The following LRRC28 variants were observed in gnomAD, a reference collection of about 807,000 sequenced individuals.
The protein encoded by LRRC28 is leucine-rich repeat-containing protein 28.
LRRC28 carries 39 observed loss-of-function variants against 45.7 expected under a neutral mutation model. That is an observed-to-expected ratio of 0.85 (90% CI 0.66 to 1.12). The LOEUF (loss-of-function observed/expected upper bound fraction) is 1.12. LRRC28 is among the 50% of genes most tolerant of loss of function. The pLI is 0.00. For synonymous variants in LRRC28, 206 were observed against 178.8 expected (o/e 1.15, Z -1.22); for missense variants, 435 against 438.5 (o/e 0.99, Z 0.07).
At chr15:99,362,380 C>G (rs1270796451) in intron 8 of LRRC28, among the ~76,000 whole-genome samples, 1 of 152,208 alleles carries the variant, frequency 6.6e-6, no homozygotes, top group Non-Finnish European at 1.5e-5. Context: ...GTATCTCCTT[C>G]CCAAAGATGA....
At chr15:99,374,426 A>G (rs953877152) in intron 9 of LRRC28, among the ~76,000 whole-genome samples, 7 of 152,086 alleles carry the variant, frequency 4.6e-5, no homozygotes, top group African/African-American at 1.7e-4. Flanking sequence ...AATGTTACTG[A>G]TTTTCATATT....
chr15:99,252,199 A>G (rs2080836665), intron 1 of LRRC28, among the ~76,000 whole-genome samples: 1 of 152,254 alleles, frequency 6.6e-6, no homozygotes, highest in African/African-American at 2.4e-5. Flanking sequence ...TACAAGAGGT[A>G]GTTTGCTTAA....
At chr15:99,288,371 CTTTTTTTTT>C (rs67593137) in intron 5 of LRRC28, among the ~76,000 whole-genome samples, 7 of 82,890 alleles carry the variant, frequency 8.4e-5, no homozygotes, top group Non-Finnish European at 1.1e-4. Context: ...TGTACATTAA[CTTTTTTTTT>C]TTTTTTTTTT....
chr15:99,382,966 A>T (rs1349969158), intron 9 of LRRC28, among the ~76,000 whole-genome samples: 2 of 152,054 alleles, frequency 1.3e-5, no homozygotes, highest in Non-Finnish European at 2.9e-5. Flanking sequence ...AGCTTTATTG[A>T]GATAATTCAC....
intron 9 of LRRC28, among the ~76,000 whole-genome samples, chr15:99,367,309 AT>A (rs1363571585): frequency 6.6e-6 from 1 of 152,198 alleles, no homozygotes; most frequent in African/African-American, 2.4e-5. Context: ...AGATTGGGTA[AT>A]TTATAAAGAA....
At chr15:99,372,138 A>C (rs1957501154) in intron 9 of LRRC28, among the ~76,000 whole-genome samples, 1 of 152,224 alleles carries the variant, frequency 6.6e-6, no homozygotes, top group Non-Finnish European at 1.5e-5. Flanking sequence ...GTACGAGTCA[A>C]ATATATGCTT....
chr15:99,309,440 G>A (rs896191229), intron 5 of LRRC28, among the ~76,000 whole-genome samples: 2 of 152,014 alleles, frequency 1.3e-5, no homozygotes, highest in South Asian at 2.1e-4. Context: ...ATGGAGTCTC[G>A]CTCTGTCGCC....
chr15:99,276,636 T>A lies in LRRC28; in HGVS notation c.209+20T>A, dbSNP rs757158414. 1.3e-6 allele frequency: 2 copies of A among 1,499,308 alleles called. No individual in the cohort carries two copies. Among genetic ancestry groups the A allele is most frequent in the African/African-American group, 2.9e-5 (2 of 69,448 alleles). The allele number at this position is 1,499,308 out of a possible 1,614,324, so 92.9% of individuals were successfully genotyped here. A position where few individuals can be genotyped will look rare whatever the true frequency, so the allele number is the denominator to read the frequency against. ...GGAACTGTGAGTCTGTTTATTCAAATTTTTTAAAGACAAGAATGAAAATAA... is the reference window on the plus strand; with the variant it reads ...GGAACTGTGAGTCTGTTTATTCAAAATTTTTAAAGACAAGAATGAAAATAA... On this transcript the variant is annotated intron_variant, in intron 3 of 9. Coordinates refer to ENST00000301981, the MANE Select transcript of LRRC28 (RefSeq NM_144598.5).
At chr15:99,311,183 A>G (rs1257885269) in intron 5 of LRRC28, among the ~76,000 whole-genome samples, 1 of 152,194 alleles carries the variant, frequency 6.6e-6, no homozygotes, top group East Asian at 1.9e-4. Context: ...GACATGGAAT[A>G]AACTATGTGT....
chr15:99,375,309 C>T (rs1957597037), intron 9 of LRRC28, among the ~76,000 whole-genome samples: 1 of 152,122 alleles, frequency 6.6e-6, no homozygotes, highest in Non-Finnish European at 1.5e-5. Context: ...CCTCACACTC[C>T]TGGAATAACT....
intron 2 of LRRC28, among the ~76,000 whole-genome samples, chr15:99,267,374 C>T (rs1297921833): frequency 2.6e-5 from 4 of 152,318 alleles, no homozygotes; most frequent in South Asian, 2.1e-4. Flanking sequence ...GAGCATCATA[C>T]AGCCAAGTGC....
intron 9 of LRRC28, among the ~76,000 whole-genome samples, chr15:99,385,744 TTG>T (rs369101422): frequency 0.014 from 2,123 of 149,690 alleles, 48 homozygotes; most frequent in East Asian, 0.069. Flanking sequence ...GAAAAGGCAT[TTG>T]TTTTTTTTTT....
At chr15:99,296,414 T>G (rs1279229190) in intron 5 of LRRC28, among the ~76,000 whole-genome samples, 1 of 152,208 alleles carries the variant, frequency 6.6e-6, no homozygotes, top group Non-Finnish European at 1.5e-5. Context: ...TTCAAGGCTC[T>G]TCACCCCACG....
intron 8 of LRRC28, among the ~76,000 whole-genome samples, chr15:99,361,819 C>G (rs576647548): frequency 6.6e-6 from 1 of 152,110 alleles, no homozygotes; most frequent in South Asian, 2.1e-4. Flanking sequence ...TTGCAAAGCA[C>G]GGTGCTTAAA....
chr15:99,387,725 G>C lies in LRRC28; in HGVS notation c.*1623G>C, dbSNP rs1567723524. 1 of 152,086 alleles carries C rather than the reference G, an allele frequency of 6.6e-6. No homozygotes were observed. Among genetic ancestry groups the C allele is most frequent in the Non-Finnish European group, 1.5e-5 (1 of 68,016 alleles). The allele number at this position is 152,086 out of a possible 1,614,324, so 9.4% of individuals were successfully genotyped here. ...TTTTAATGATGTAAGTTTTCTAAAA[G>C]GCAGGGCTGAATGGAGAACCAAGAA... On this transcript the variant is annotated 3_prime_UTR_variant, in exon 10 of 10. Transcript: ENST00000301981.
chr15:99,285,463 G>C (rs558067234), intron 3 of LRRC28: 2 of 853,852 alleles, frequency 2.3e-6, no homozygotes, highest in Non-Finnish European at 2.0e-6. Flanking sequence ...GTCCGTGAGC[G>C]TTCCCCATTG....
chr15:99,265,784 T>G (rs2081316848), intron 2 of LRRC28, among the ~76,000 whole-genome samples: 1 of 152,168 alleles, frequency 6.6e-6, no homozygotes, highest in Non-Finnish European at 1.5e-5. Flanking sequence ...TTAACCTCTT[T>G]GGACCTCAGT....
intron 6 of LRRC28, among the ~76,000 whole-genome samples, chr15:99,341,894 C>A (rs1956526201): frequency 1.3e-5 from 2 of 152,172 alleles, no homozygotes; most frequent in African/African-American, 4.8e-5. Context: ...GAGTCTCCAT[C>A]AGTCATAGCT....
chr15:99,269,864 A>C (rs2081428281), intron 2 of LRRC28, among the ~76,000 whole-genome samples: 1 of 152,220 alleles, frequency 6.6e-6, no homozygotes, highest in South Asian at 2.1e-4. Context: ...GAAAATGAGT[A>C]ATTATTATGA....
Sources: allele counts gnomAD v4.1 joint callset (sites outside exome capture counted in the v4.1 genomes callset), GRCh38; gene constraint gnomAD v4.1.1; transcripts MANE v1.5; gene names NCBI Gene and HGNC (gene_info 2026-07-23, HGNC 2026-07-21).